GABRG2: variants seen among roughly 807,000 people sequenced by gnomAD.
The protein encoded by GABRG2 is gamma-aminobutyric acid type A receptor subunit gamma2.
Under a neutral mutation model 56.4 loss-of-function variants are expected in GABRG2, and 16 were observed. That is an observed-to-expected ratio of 0.28 (90% CI 0.19 to 0.43). The LOEUF is 0.43. GABRG2 is among the 20% of genes least tolerant of loss of function. GABRG2 has a pLI of 1.00. For synonymous variants in GABRG2, 208 were observed against 205.5 expected (o/e 1.01, Z -0.10); for missense variants, 327 against 582.7 (o/e 0.56, Z 4.52).
At chr5:162,131,935 G>A (rs945635572) in intron 6 of GABRG2, among the ~76,000 whole-genome samples, 3 of 148,912 alleles carry the variant, frequency 2.0e-5, no homozygotes, top group East Asian at 3.9e-4. Context: ...ATACTAGTCA[G>A]TGAAATATTC....
intron 1 of GABRG2, among the ~76,000 whole-genome samples, chr5:162,074,202 T>C (rs138445095): frequency 2.6e-5 from 4 of 152,090 alleles, no homozygotes; most frequent in Admixed American, 2.6e-4. Flanking sequence ...ATCATATTAA[T>C]CCCTACAGTA....
At chr5:162,123,772 G>A (rs1402885080) in intron 6 of GABRG2, among the ~76,000 whole-genome samples, 1 of 151,848 alleles carries the variant, frequency 6.6e-6, no homozygotes, top group Non-Finnish European at 1.5e-5. Context: ...GTTAAGAAAT[G>A]TACCAGTGGG....
At chr5:162,089,814 G>A (rs1760420184) in intron 1 of GABRG2, among the ~76,000 whole-genome samples, 1 of 151,802 alleles carries the variant, frequency 6.6e-6, no homozygotes, top group Non-Finnish European at 1.5e-5. Context: ...TACTATCCTG[G>A]GCAATGACTA....
chr5:162,102,530 T>TG (rs1244297962), intron 5 of GABRG2: 4 of 452,920 alleles, frequency 8.8e-6, no homozygotes, highest in South Asian at 1.6e-5. Context: ...TTGTTGTTGT[T>TG]TTGTTTTGTT....
intron 3 of GABRG2, among the ~76,000 whole-genome samples, chr5:162,096,019 G>A (rs144780188): frequency 3.6e-4 from 55 of 151,926 alleles, no homozygotes; most frequent in African/African-American, 1.2e-3. Context: ...TCCAAAATAT[G>A]ATATAATAGA....
chr5:162,076,011 G>T (rs903200118), intron 1 of GABRG2, among the ~76,000 whole-genome samples: 3 of 151,924 alleles, frequency 2.0e-5, no homozygotes, highest in South Asian at 4.2e-4. Flanking sequence ...AATTAACTGG[G>T]TATGGTAGTG....
intron 6 of GABRG2, among the ~76,000 whole-genome samples, chr5:162,140,774 TGTA>T (rs1340413131): frequency 5.3e-5 from 8 of 152,234 alleles, no homozygotes; most frequent in Non-Finnish European, 1.0e-4. Context: ...TTTAAAAAGA[TGTA>T]GTAACTGAGA....
At chr5:162,145,198 C>G (rs560883119) in intron 7 of GABRG2, among the ~76,000 whole-genome samples, 1 of 152,162 alleles carries the variant, frequency 6.6e-6, no homozygotes, top group Non-Finnish European at 1.5e-5. Context: ...GTTTTCTGAG[C>G]ACAGAGTCCT....
chr5:162,101,720 C>T (rs564102312), intron 5 of GABRG2: 1 of 182,354 alleles, frequency 5.5e-6, no homozygotes, highest in African/African-American at 2.4e-5. Flanking sequence ...TAAGGCCTGC[C>T]CCACAGGACA....
At chr5:162,097,228 A>G (rs894348040) in intron 3 of GABRG2, among the ~76,000 whole-genome samples, 1 of 152,102 alleles carries the variant, frequency 6.6e-6, no homozygotes, top group African/African-American at 2.4e-5. Context: ...ACTTGGCAGG[A>G]TTGAGTATGG....
At chr5:162,094,100 T>A in intron 2 of GABRG2, 121 bp downstream of exon 2, 1 of 1,129,554 alleles carries the variant, frequency 8.9e-7, no homozygotes, top group South Asian at 1.3e-5. Context: ...TTTTTATATG[T>A]TGTAAAAGTA....
intron 3 of GABRG2, among the ~76,000 whole-genome samples, chr5:162,096,248 T>C (rs1187740189): frequency 6.6e-6 from 1 of 152,074 alleles, no homozygotes; most frequent in East Asian, 1.9e-4. Context: ...TTTGCTTGTT[T>C]AGTCATTAAA....
chr5:162,120,970 G>A (rs1314868175), intron 6 of GABRG2, among the ~76,000 whole-genome samples: 1 of 152,132 alleles, frequency 6.6e-6, no homozygotes, highest in Non-Finnish European at 1.5e-5. Flanking sequence ...ATAAAAGACT[G>A]TATCAAGGGA....
intron 6 of GABRG2, among the ~76,000 whole-genome samples, chr5:162,127,421 C>G (rs2113518191): frequency 6.6e-6 from 1 of 151,950 alleles, no homozygotes; most frequent in African/African-American, 2.4e-5. Context: ...TAGTATATGA[C>G]TAAATCTAAG....
chr5:162,103,198 G>C (rs1228824265), intron 5 of GABRG2: 3 of 153,910 alleles, frequency 1.9e-5, no homozygotes, highest in African/African-American at 7.2e-5. Flanking sequence ...GTCCAGGGTA[G>C]AATGGCTGGG....
At chr5:162,151,806 A>G in intron 9 of GABRG2, 53 bp downstream of exon 9, 1 of 1,445,264 alleles carries the variant, frequency 6.9e-7, no homozygotes. Flanking sequence ...AAATTTAACT[A>G]TTAATGCTTA....
chr5:162,097,346 A>C (rs1290856082), intron 3 of GABRG2, among the ~76,000 whole-genome samples: 1 of 152,176 alleles, frequency 6.6e-6, no homozygotes, highest in Non-Finnish European at 1.5e-5. Flanking sequence ...GGCTCAAAAC[A>C]ACACAATGCT....
chr5:162,108,295 T>C (rs756011871), intron 6 of GABRG2, among the ~76,000 whole-genome samples: 2 of 152,206 alleles, frequency 1.3e-5, no homozygotes, highest in Non-Finnish European at 2.9e-5. Flanking sequence ...TAGGTTCAAT[T>C]GAGCACAAGC....
chr5:162,111,619 A>C (rs370674942), intron 6 of GABRG2, among the ~76,000 whole-genome samples: 2 of 152,190 alleles, frequency 1.3e-5, no homozygotes, highest in African/African-American at 4.8e-5. Flanking sequence ...TCTAGCATCT[A>C]TGCAATATAC....
Sources: allele counts gnomAD v4.1 joint callset (sites outside exome capture counted in the v4.1 genomes callset), GRCh38; gene constraint gnomAD v4.1.1; transcripts MANE v1.5; gene names NCBI Gene and HGNC (gene_info 2026-07-23, HGNC 2026-07-21).